Variants in TPO observed in about 807,000 individuals in gnomAD.
The protein encoded by TPO is thyroid peroxidase, also known as thyroid microsomal antigen.
Under a neutral mutation model 96.9 loss-of-function variants are expected in TPO, and 78 were observed. The observed-to-expected ratio is 0.81, with a 90% CI of 0.67 to 0.97. The LOEUF is 0.97. Among genes scored for constraint, TPO ranks in the 50% least tolerant of loss-of-function variants. The probability of loss-of-function intolerance (pLI) is 0.00; values close to 1 mark genes in which losing one functional copy is unlikely to be tolerated. For synonymous variants in TPO, 547 were observed against 538.0 expected, an observed-to-expected ratio of 1.02 and a Z score of -0.23; for missense variants, 1,252 against 1,274.8, an observed-to-expected ratio of 0.98 and a Z score of 0.27.
At chr2:1,383,338 A>G (rs1021545093) in intron 1 of TPO, among the ~76,000 whole-genome samples, 3 of 152,230 alleles carry the variant, frequency 2.0e-5, no homozygotes. Flanking sequence ...TTACAGTCCC[A>G]TTAACAGTGT....
intron 16 of TPO, chr2:1,540,964 A>C: frequency 1.3e-6 from 2 of 1,486,228 alleles, no homozygotes; most frequent in Non-Finnish European, 1.8e-6. Context: ...TTCCAAAACT[A>C]AGGGCTCACT....
At chr2:1,437,086 GA>G (rs1381737615) in intron 5 of TPO, among the ~76,000 whole-genome samples, 1 of 152,246 alleles carries the variant, frequency 6.6e-6, no homozygotes, top group Non-Finnish European at 1.5e-5. Context: ...GTTTTCTGAA[GA>G]AGGTGATATG....
At chr2:1,538,663 A>AGGTGGCTTTTACTTGGGATATTGAGAGG (rs1486423110) in intron 15 of TPO, among the ~76,000 whole-genome samples, 8 of 152,200 alleles carry the variant, frequency 5.3e-5, no homozygotes, top group Non-Finnish European at 1.2e-4. Flanking sequence ...TGGTTGCTTC[A>AGGTGGCTTTTACTTGGGATATTGAGAGG]GGTGGCTTTT....
intron 7 of TPO, among the ~76,000 whole-genome samples, chr2:1,458,629 G>A (rs1668116562): frequency 6.6e-6 from 1 of 152,060 alleles, no homozygotes; most frequent in African/African-American, 2.4e-5. Flanking sequence ...TGTGTTTATA[G>A]CATATTAGTT....
intron 7 of TPO, among the ~76,000 whole-genome samples, chr2:1,469,794 G>T (rs1258787002): frequency 6.6e-6 from 1 of 152,162 alleles, no homozygotes; most frequent in Non-Finnish European, 1.5e-5. Context: ...TCCTCAGTTT[G>T]GGCACTCACA....
rs1044589793 is a variant in TPO at position 1,470,733 on chromosome 2, A to G, written c.820-6353A>G. 7.2e-5 allele frequency among the ~76,000 whole-genome samples: 11 copies of G among 152,286 alleles called. No homozygotes were observed. The East Asian group carries it at 2.1e-3, about 29-fold the overall frequency. On this transcript the variant is annotated intron_variant, in intron 7 of 16. Coordinates refer to ENST00000329066, the MANE Select transcript of TPO (RefSeq NM_001206744.2). ...ATGATTCTGATGTTTTTCCTCACATACTGTGTCTACTAGGAATTTCTGCTA... is the reference window on the plus strand; with the variant it reads ...ATGATTCTGATGTTTTTCCTCACATGCTGTGTCTACTAGGAATTTCTGCTA...
At chr2:1,447,427 C>T (rs1005395901) in intron 5 of TPO, among the ~76,000 whole-genome samples, 6 of 152,180 alleles carry the variant, frequency 3.9e-5, no homozygotes, top group Non-Finnish European at 5.9e-5. Flanking sequence ...AACCAGTGTA[C>T]ATCTTACATG....
At chr2:1,507,076 G>C (rs953010065) in intron 14 of TPO, among the ~76,000 whole-genome samples, 2 of 152,054 alleles carry the variant, frequency 1.3e-5, no homozygotes, top group African/African-American at 4.8e-5. Context: ...GTGTAAGGAA[G>C]GGATCCAGTT....
intron 9 of TPO, among the ~76,000 whole-genome samples, chr2:1,486,794 G>A (rs187047302): frequency 6.6e-5 from 10 of 151,340 alleles, no homozygotes; most frequent in African/African-American, 1.2e-4. Context: ...GGCTCCAGGC[G>A]TAGTGGGGAG....
chr2:1,425,709 A>G (rs1411797120), intron 3 of TPO, among the ~76,000 whole-genome samples: 1 of 151,802 alleles, frequency 6.6e-6, no homozygotes, highest in Non-Finnish European at 1.5e-5. Flanking sequence ...GAGTTATATC[A>G]TTTTCTATCC....
intron 7 of TPO, among the ~76,000 whole-genome samples, chr2:1,473,178 G>A (rs1398818951): frequency 1.3e-5 from 2 of 152,184 alleles, no homozygotes; most frequent in Non-Finnish European, 2.9e-5. Flanking sequence ...CTCAGTTTTG[G>A]TTCAGGAATC....
chr2:1,492,858 G>A (rs1209242450), intron 10 of TPO, among the ~76,000 whole-genome samples: 2 of 152,156 alleles, frequency 1.3e-5, no homozygotes, highest in South Asian at 2.1e-4. Context: ...GGCCCTGGGC[G>A]GCGCTCTGAT....
At chr2:1,390,349 A>C (rs527482825) in intron 1 of TPO, among the ~76,000 whole-genome samples, 1 of 152,268 alleles carries the variant, frequency 6.6e-6, no homozygotes, top group Non-Finnish European at 1.5e-5. Context: ...ACATGAACTC[A>C]TCCTTTTTTA....
rs547587926 is a variant in TPO, at chr2:1,450,006, C to T, written c.483-3688C>T. Among the ~76,000 whole-genome samples the T allele has an allele frequency of 9.2e-5, 14 of 152,232 alleles. No individual in the cohort carries two copies. The South Asian group carries it at 1.2e-3, about 14-fold the overall frequency. On this transcript the variant is annotated intron_variant, in intron 5 of 16. Transcript: ENST00000329066. The stretch of plus-strand genomic sequence containing the variant: ...TCTGGCCACCTGACAGGGTGTCAGG[C>T]GTTTTTGGGGACAAAATGAATCCTC...
intron 10 of TPO, among the ~76,000 whole-genome samples, chr2:1,493,508 C>G (rs1474349103): frequency 1.1e-5 from 1 of 91,102 alleles, no homozygotes; most frequent in Non-Finnish European, 2.5e-5. Flanking sequence ...CTGGAATATC[C>G]TAGCCTGGCA....
At chr2:1,526,377 C>A (rs1345259211) in intron 15 of TPO, among the ~76,000 whole-genome samples, 4 of 91,288 alleles carry the variant, frequency 4.4e-5, no homozygotes, top group South Asian at 5.1e-4. Context: ...TGCAACCCCC[C>A]AAATGCCCCC....
chr2:1,477,639 G>A (rs1332455968), intron 8 of TPO, 35 bp downstream of exon 8: 3 of 1,451,634 alleles, frequency 2.1e-6, no homozygotes, highest in Non-Finnish European at 1.8e-6. Flanking sequence ...CTGGGTGGCT[G>A]CGGGCAAAGC....
At chr2:1,532,525 C>A (rs1200183271) in intron 15 of TPO, among the ~76,000 whole-genome samples, 1 of 135,294 alleles carries the variant, frequency 7.4e-6, no homozygotes, top group Non-Finnish European at 1.6e-5. Context: ...TCTGAGCAAC[C>A]TCCTCAAATA....
At chr2:1,523,618 CT>C (rs1675707563) in intron 15 of TPO, among the ~76,000 whole-genome samples, 1 of 79,060 alleles carries the variant, frequency 1.3e-5, no homozygotes. Flanking sequence ...TCAAATCCCC[CT>C]ACTGTGAGCA....
Sources: allele counts gnomAD v4.1 joint callset (sites outside exome capture counted in the v4.1 genomes callset), GRCh38; gene constraint gnomAD v4.1.1; transcripts MANE v1.5; gene names NCBI Gene and HGNC (gene_info 2026-07-23, HGNC 2026-07-21).